FOXP1: variants seen among roughly 807,000 people sequenced by gnomAD.
FOXP1 encodes forkhead box P1, also known as forkhead box protein P1.
FOXP1 carries 15 observed loss-of-function variants against 98.2 expected under a neutral mutation model. That is an observed-to-expected ratio of 0.15 (90% CI 0.10 to 0.24). FOXP1 has a LOEUF of 0.24. Among genes scored for constraint, FOXP1 ranks in the 10% least tolerant of loss-of-function variants. The pLI is 1.00. For missense variants in FOXP1, 633 were observed against 848.5 expected, an observed-to-expected ratio of 0.75 and a Z score of 3.15; for synonymous variants, 371 against 314.5, an observed-to-expected ratio of 1.18 and a Z score of -1.90.
intron 5 of FOXP1, among the ~76,000 whole-genome samples, chr3:71,259,823 A>G (rs574007564): frequency 1.3e-5 from 2 of 152,230 alleles, no homozygotes; most frequent in South Asian, 4.1e-4. Flanking sequence ...AGTTACGTAT[A>G]AAGTCCCTTA....
intron 3 of FOXP1, among the ~76,000 whole-genome samples, chr3:71,434,417 C>T (rs2085018635): frequency 6.6e-6 from 1 of 152,182 alleles, no homozygotes; most frequent in Non-Finnish European, 1.5e-5. Context: ...CAAGTCCCAA[C>T]TTCCCTCAAT....
Position 71,120,991 on chromosome 3 carries a change from AT to A in FOXP1, c.181-8355del, listed in dbSNP as rs964155245. Among the ~76,000 whole-genome samples, 37 of 150,080 alleles carry A rather than the reference AT, an allele frequency of 2.5e-4. 1 individual carries two copies. Among genetic ancestry groups the A allele is most frequent in the African/African-American group, 8.8e-4 (36 of 40,908 alleles). ...TTCTTTTAAAGTCAGCAACTTGAGT[AT>A]ATTTTCTTGGGGAGGAAAAGATGGC... On this transcript the variant is annotated intron_variant, in intron 6 of 20. Transcript: ENST00000649528.
intron 12 of FOXP1, among the ~76,000 whole-genome samples, chr3:71,012,418 A>C (rs1445883949): frequency 6.6e-6 from 1 of 152,242 alleles, no homozygotes; most frequent in African/African-American, 2.4e-5. Flanking sequence ...TAATAATTGT[A>C]AACGGCTGTT....
rs2085520963 is a variant in FOXP1 at position 71,437,922 on chromosome 3, A to G, written c.-168+55504T>C. 3.3e-5 allele frequency among the ~76,000 whole-genome samples: 5 copies of G among 152,172 alleles called. No individual in the cohort carries two copies. In the South Asian group the frequency reaches 1.0e-3, roughly 32 times the overall value. ...GAGGTGAAGAAAAGCTGTGTACACG[A>G]AATTGAGTCAAAGAGAGCCCACGGA... On this transcript the variant is annotated intron_variant, in intron 3 of 20. Coordinates refer to ENST00000649528, the MANE Select transcript of FOXP1 (RefSeq NM_001349338.3).
intron 5 of FOXP1, among the ~76,000 whole-genome samples, chr3:71,268,090 C>CTTTTTTTTTTTTT (rs754818021): frequency 2.0e-5 from 2 of 100,382 alleles, no homozygotes; most frequent in African/African-American, 3.8e-5. Flanking sequence ...CTTTTCTTTT[C>CTTTTTTTTTTTTT]TTTTTTTTTT....
rs543702019 is a variant in FOXP1, at chr3:71,104,927, T to C, written c.282+7609A>G. On this transcript the variant is annotated intron_variant, in intron 7 of 20. Coordinates refer to ENST00000649528, the MANE Select transcript of FOXP1 (RefSeq NM_001349338.3). The stretch of plus-strand genomic sequence containing the variant: ...CCCTATACTTAAAATATTCTCTACT[T>C]TGGCTCAGAGGCATCTTGACAGCTT... Among the ~76,000 whole-genome samples the C allele has an allele frequency of 1.6e-4, 24 of 152,348 alleles. No individual in the cohort carries two copies. The South Asian group carries it at 4.6e-3, about 29-fold the overall frequency.
intron 5 of FOXP1, among the ~76,000 whole-genome samples, chr3:71,223,772 A>G (rs1560142396): frequency 6.6e-6 from 1 of 152,044 alleles, no homozygotes; most frequent in African/African-American, 2.4e-5. Flanking sequence ...ACCAAAGGTC[A>G]GGTTCATTGC....
At chr3:71,279,797 ACTGT>A (rs2071315811) in intron 5 of FOXP1, among the ~76,000 whole-genome samples, 1 of 152,074 alleles carries the variant, frequency 6.6e-6, no homozygotes, top group Non-Finnish European at 1.5e-5. Context: ...GCAAGAGAAA[ACTGT>A]TATGTGTCTA....
chr3:71,517,315 T>C (rs547028749), intron 2 of FOXP1, among the ~76,000 whole-genome samples: 120 of 152,310 alleles, frequency 7.9e-4, no homozygotes, highest in Middle Eastern at 3.4e-3. Context: ...TTTCAAATGA[T>C]GGAAATGCTG....
At position 71,457,611 on chromosome 3, in the gene FOXP1, G is replaced by A. The variant is rs182505290; in HGVS notation, c.-168+35815C>T. Among the ~76,000 whole-genome samples the A allele has an allele frequency of 8.5e-5, 13 of 152,188 alleles. No homozygotes were observed. The East Asian group carries it at 1.4e-3, about 16-fold the overall frequency. ...TGAATTACAGTGCTTTTGCAGATTC[G>A]CATTTAGTGCAAATCCCTCTAAAGC... is the stretch of plus-strand genomic sequence containing the variant. On this transcript the variant is annotated intron_variant, in intron 3 of 20. Coordinates refer to ENST00000649528, the MANE Select transcript of FOXP1 (RefSeq NM_001349338.3).
At chr3:71,314,579 G>GA (rs1318036743) in intron 4 of FOXP1, among the ~76,000 whole-genome samples, 2 of 150,580 alleles carry the variant, frequency 1.3e-5, no homozygotes, top group African/African-American at 4.9e-5. Context: ...CTACAGGCTG[G>GA]AAAAATAAAA....
At chr3:71,581,309 G>A (rs1460498525) in intron 2 of FOXP1, 1 of 985,270 alleles carries the variant, frequency 1.0e-6, no homozygotes, top group Non-Finnish European at 1.2e-6. Context: ...TACACTCCAC[G>A]CTAAACTTTG....
At chr3:71,336,571 A>G (rs2076696984) in intron 4 of FOXP1, among the ~76,000 whole-genome samples, 1 of 152,248 alleles carries the variant, frequency 6.6e-6, no homozygotes, top group Admixed American at 6.5e-5. Flanking sequence ...AATAGAGGGA[A>G]AGAATTCGAC....
At chr3:71,025,148 C>G (rs2045942717) in intron 11 of FOXP1, among the ~76,000 whole-genome samples, 1 of 152,078 alleles carries the variant, frequency 6.6e-6, no homozygotes, top group Non-Finnish European at 1.5e-5. Context: ...TAAGTATATG[C>G]AGACAAGCCA....
At chr3:71,279,639 C>T (rs2071300106) in intron 5 of FOXP1, among the ~76,000 whole-genome samples, 2 of 152,072 alleles carry the variant, frequency 1.3e-5, no homozygotes, top group Non-Finnish European at 2.9e-5. Context: ...CTCGTGTATC[C>T]AACCAAGTAG....
intron 3 of FOXP1, among the ~76,000 whole-genome samples, chr3:71,397,808 G>C (rs184351595): frequency 6.6e-6 from 1 of 152,316 alleles, no homozygotes; most frequent in East Asian, 1.9e-4. Context: ...GAAAAGGCAG[G>C]AAAGTTCCTA....
chr3:71,119,758 T>C (rs2107805746), intron 6 of FOXP1, among the ~76,000 whole-genome samples: 1 of 152,098 alleles, frequency 6.6e-6, no homozygotes, highest in East Asian at 1.9e-4. Flanking sequence ...GACAGAGCAA[T>C]CACTCCAGTG....
chr3:71,037,749 T>C (rs979873727), intron 11 of FOXP1, among the ~76,000 whole-genome samples: 3 of 152,196 alleles, frequency 2.0e-5, no homozygotes, highest in African/African-American at 7.2e-5. Flanking sequence ...CTAATGATGC[T>C]GAATGTCCAT....
At chr3:71,419,263 A>AGGGAG (rs1259718971) in intron 3 of FOXP1, among the ~76,000 whole-genome samples, 3 of 130,932 alleles carry the variant, frequency 2.3e-5, no homozygotes, top group Admixed American at 7.7e-5. Flanking sequence ...AAAAAAAAAA[A>AGGGAG]GGGAGGGGAG....
Sources: allele counts gnomAD v4.1 joint callset (sites outside exome capture counted in the v4.1 genomes callset), GRCh38; gene constraint gnomAD v4.1.1; transcripts MANE v1.5; gene names NCBI Gene and HGNC (gene_info 2026-07-23, HGNC 2026-07-21).